LSAMP: variants seen among roughly 807,000 people sequenced by gnomAD.
LSAMP encodes the protein limbic system-associated membrane protein.
In LSAMP, 7 loss-of-function variants were observed where a neutral mutation model predicts 38.6. The observed-to-expected ratio is 0.18, with a 90% confidence interval of 0.10 to 0.34. LSAMP has a LOEUF of 0.34. LSAMP is among the 10% of genes least tolerant of loss of function. The pLI, the probability that LSAMP is intolerant of heterozygous loss-of-function variation, is 1.00. For synonymous variants in LSAMP, 154 were observed against 166.8 expected (o/e 0.92, Z 0.59); for missense variants, 313 against 420.0 (o/e 0.75, Z 2.23).
intron 1 of LSAMP, among the ~76,000 whole-genome samples, chr3:116,134,538 T>G (rs1709204232): frequency 6.6e-6 from 1 of 152,226 alleles, no homozygotes; most frequent in South Asian, 2.1e-4. Flanking sequence ...TCACCGTGCT[T>G]AAGGTATCCT....
At chr3:116,261,901 G>GAT (rs779679234) in intron 1 of LSAMP, among the ~76,000 whole-genome samples, 189 of 149,170 alleles carry the variant, frequency 1.3e-3, no homozygotes, top group Non-Finnish European at 1.9e-3. Context: ...AATAAATTCT[G>GAT]ATATATATAA....
intron 3 of LSAMP, among the ~76,000 whole-genome samples, chr3:115,874,282 T>C (rs185407727): frequency 2.9e-4 from 44 of 152,254 alleles, no homozygotes; most frequent in Middle Eastern, 3.4e-3. Context: ...CCAGCTCCAA[T>C]GCCCTCTCCT....
intron 1 of LSAMP, among the ~76,000 whole-genome samples, chr3:116,288,842 ATTAAG>A (rs869053898): frequency 4.6e-5 from 7 of 152,330 alleles, no homozygotes; most frequent in African/African-American, 1.4e-4. Flanking sequence ...CTTAGTATTT[ATTAAG>A]TTATTTCAAT....
chr3:116,125,401 T>TC (rs1193879155), intron 1 of LSAMP, among the ~76,000 whole-genome samples: 1 of 151,500 alleles, frequency 6.6e-6, no homozygotes, highest in Non-Finnish European at 1.5e-5. Context: ...GTTTTTTTTT[T>TC]CAGTGTGTTT....
At chr3:116,162,112 A>C (rs747214065) in intron 1 of LSAMP, among the ~76,000 whole-genome samples, 12 of 152,198 alleles carry the variant, frequency 7.9e-5, no homozygotes, top group Non-Finnish European at 5.9e-5. Flanking sequence ...CTGCACATTC[A>C]CATTAGCATT....
At chr3:116,220,206 A>ACACACACACACACACACACACACACT in intron 1 of LSAMP, among the ~76,000 whole-genome samples, 1 of 151,958 alleles carries the variant, frequency 6.6e-6, no homozygotes, top group African/African-American at 2.4e-5. Flanking sequence ...ACACACACAC[A>ACACACACACACACACACACACACACT]CACACACAAT....
intron 1 of LSAMP, 70 bp downstream of exon 1, chr3:116,444,807 C>T (rs890165524): frequency 1.1e-6 from 1 of 938,346 alleles, no homozygotes; most frequent in African/African-American, 3.2e-5. Context: ...CACACACACA[C>T]ACAAACACAC....
intron 1 of LSAMP, among the ~76,000 whole-genome samples, chr3:116,394,469 T>C (rs544627155): frequency 7.8e-4 from 119 of 152,304 alleles, no homozygotes; most frequent in African/African-American, 2.8e-3. Flanking sequence ...GAAAGCTTTT[T>C]TGACATTCTC....
chr3:116,227,882 G>A (rs1248960529), intron 1 of LSAMP, among the ~76,000 whole-genome samples: 2 of 152,086 alleles, frequency 1.3e-5, no homozygotes, highest in Non-Finnish European at 2.9e-5. Context: ...ACTGATATTG[G>A]TCTAAAGGAG....
chr3:116,269,370 A>G (rs954722142), intron 1 of LSAMP, among the ~76,000 whole-genome samples: 6 of 151,912 alleles, frequency 3.9e-5, no homozygotes, highest in African/African-American at 1.5e-4. Flanking sequence ...CACATTTACA[A>G]TCTGTCCTGC....
chr3:116,112,897 T>C (rs1708648680), intron 1 of LSAMP, among the ~76,000 whole-genome samples: 1 of 152,208 alleles, frequency 6.6e-6, no homozygotes, highest in South Asian at 2.1e-4. Flanking sequence ...GAAAATTCTG[T>C]GGCTCTGACA....
chr3:115,814,740 G>A (rs775322145), intron 6 of LSAMP, among the ~76,000 whole-genome samples: 4 of 152,092 alleles, frequency 2.6e-5, no homozygotes, highest in Non-Finnish European at 5.9e-5. Context: ...AAAAGCCAGA[G>A]GAGTTAAAGT....
intron 1 of LSAMP, among the ~76,000 whole-genome samples, chr3:116,293,464 A>G (rs955412129): frequency 6.6e-6 from 1 of 152,188 alleles, no homozygotes; most frequent in East Asian, 1.9e-4. Context: ...AACTGTTCTT[A>G]ACTTACAAGA....
intron 1 of LSAMP, among the ~76,000 whole-genome samples, chr3:116,087,949 A>G (rs1025615968): frequency 2.0e-5 from 3 of 148,900 alleles, no homozygotes; most frequent in Non-Finnish European, 4.4e-5. Context: ...ACTGGGGAGC[A>G]GTGGCCTGAT....
At chr3:115,845,737 A>T (rs371683878) in intron 4 of LSAMP, among the ~76,000 whole-genome samples, 284 of 152,334 alleles carry the variant, frequency 1.9e-3, no homozygotes, top group African/African-American at 6.4e-3. Context: ...GGGAACATTT[A>T]GGTCTCCCTG....
At chr3:116,429,384 T>A (rs538872639) in intron 1 of LSAMP, among the ~76,000 whole-genome samples, 3 of 152,296 alleles carry the variant, frequency 2.0e-5, no homozygotes, top group African/African-American at 7.2e-5. Context: ...GTAAAATAAT[T>A]GACAGATGAC....
At chr3:116,106,805 C>T (rs1454834467) in intron 1 of LSAMP, among the ~76,000 whole-genome samples, 1 of 152,038 alleles carries the variant, frequency 6.6e-6, no homozygotes, top group African/African-American at 2.4e-5. Context: ...GTTTTTGTTA[C>T]TCAGGGCATG....
At chr3:115,941,312 C>T (rs533076640) in intron 3 of LSAMP, among the ~76,000 whole-genome samples, 1 of 151,980 alleles carries the variant, frequency 6.6e-6, no homozygotes, top group African/African-American at 2.4e-5. Flanking sequence ...AAAAAGGGAA[C>T]CTTGCACAAT....
At chr3:116,288,890 T>C (rs139484093) in intron 1 of LSAMP, among the ~76,000 whole-genome samples, 9 of 152,330 alleles carry the variant, frequency 5.9e-5, no homozygotes, top group African/African-American at 1.9e-4. Flanking sequence ...GCCAGTTCAT[T>C]TGAGAATAAA....
Sources: allele counts gnomAD v4.1 joint callset (sites outside exome capture counted in the v4.1 genomes callset), GRCh38; gene constraint gnomAD v4.1.1; transcripts MANE v1.5; gene names NCBI Gene and HGNC (gene_info 2026-07-23, HGNC 2026-07-21).